PHACTR1: variants seen among roughly 807,000 people sequenced by gnomAD.
The protein encoded by PHACTR1 is RPEL repeat containing 1.
In PHACTR1, 16 loss-of-function variants were observed where a neutral mutation model predicts 69.2. That is an observed-to-expected ratio of 0.23 (90% CI 0.16 to 0.35). PHACTR1 has a LOEUF of 0.35. Ranked by LOEUF, PHACTR1 falls within the 10% of genes least tolerant of loss-of-function variation. The pLI is 1.00. For missense variants in PHACTR1, 510 were observed against 734.7 expected, an observed-to-expected ratio of 0.69 and a Z score of 3.54; for synonymous variants, 312 against 284.5, an observed-to-expected ratio of 1.10 and a Z score of -0.97.
intron 5 of PHACTR1, among the ~76,000 whole-genome samples, chr6:13,095,943 G>C (rs903747912): frequency 6.6e-6 from 1 of 151,984 alleles, no homozygotes; most frequent in East Asian, 1.9e-4. Context: ...AAAGGTAGCA[G>C]GGTGGTCCCT....
chr6:12,998,521 G>T (rs941898471), intron 4 of PHACTR1, among the ~76,000 whole-genome samples: 1 of 151,124 alleles, frequency 6.6e-6, no homozygotes, highest in Non-Finnish European at 1.5e-5. Flanking sequence ...AGAGGCTGAG[G>T]CAAGAGGTTG....
At chr6:13,095,918 A>C (rs748709964) in intron 5 of PHACTR1, among the ~76,000 whole-genome samples, 10 of 152,100 alleles carry the variant, frequency 6.6e-5, no homozygotes, top group African/African-American at 1.4e-4. Context: ...GAACAATTGC[A>C]GGTTTTGAAA....
intron 4 of PHACTR1, among the ~76,000 whole-genome samples, chr6:13,009,688 A>G (rs1582945388): frequency 6.6e-6 from 1 of 152,244 alleles, no homozygotes; most frequent in East Asian, 1.9e-4. Context: ...TCTCACATTC[A>G]GCCTTGGGGG....
intron 4 of PHACTR1, among the ~76,000 whole-genome samples, chr6:12,799,402 G>A (rs1346486519): frequency 6.6e-6 from 1 of 151,922 alleles, no homozygotes; most frequent in Non-Finnish European, 1.5e-5. Context: ...CCAGTTACTA[G>A]GTTTTCAAAA....
chr6:13,126,181 G>A (rs1410757217), intron 5 of PHACTR1, among the ~76,000 whole-genome samples: 4 of 152,150 alleles, frequency 2.6e-5, no homozygotes, highest in Non-Finnish European at 4.4e-5. Context: ...GTGAGTGTGT[G>A]TAAATTAGAA....
intron 7 of PHACTR1, among the ~76,000 whole-genome samples, chr6:13,202,015 A>G (rs1375458652): frequency 3.3e-5 from 5 of 152,222 alleles, no homozygotes; most frequent in Admixed American, 6.5e-5. Context: ...ATTCATAGCT[A>G]TGTGCATCAC....
rs115730493 is a variant in PHACTR1, at chr6:12,901,490, G to A, written c.250+151700G>A. 8.2e-3 allele frequency among the ~76,000 whole-genome samples: 1,254 copies of A among 152,174 alleles called. 13 individuals are homozygous for A. The highest frequency in any genetic ancestry group is 0.017 in the Middle Eastern group (5 of 294). On this transcript the variant is annotated intron_variant, in intron 4 of 14. Transcript: ENST00000332995. ...GCAGAGAAAATAAAATGGATTTCAC[G>A]CATTTTTTGGTTTGTTTGTTTTGAG...
intron 4 of PHACTR1, among the ~76,000 whole-genome samples, chr6:12,828,843 T>G (rs1777095728): frequency 6.6e-6 from 1 of 151,940 alleles, no homozygotes; most frequent in African/African-American, 2.4e-5. Flanking sequence ...TACGGAGAGA[T>G]TGGTTAATGA....
intron 10 of PHACTR1, among the ~76,000 whole-genome samples, chr6:13,241,251 A>G (rs1772799164): frequency 6.6e-6 from 1 of 152,176 alleles, no homozygotes; most frequent in African/African-American, 2.4e-5. Context: ...TTTTTATTGC[A>G]TTTCAGTAAT....
intron 4 of PHACTR1, among the ~76,000 whole-genome samples, chr6:12,950,877 T>A (rs573800224): frequency 6.6e-6 from 1 of 152,334 alleles, no homozygotes; most frequent in East Asian, 1.9e-4. Context: ...TAACACCTCA[T>A]TCATTTGCGC....
intron 4 of PHACTR1, among the ~76,000 whole-genome samples, chr6:12,985,635 C>A (rs369979492): frequency 2.1e-4 from 31 of 149,406 alleles, no homozygotes; most frequent in African/African-American, 7.1e-4. Flanking sequence ...TTTATAAAGG[C>A]CAAAACCTAG....
At chr6:12,751,888 G>A (rs1261742383) in intron 4 of PHACTR1, among the ~76,000 whole-genome samples, 4 of 152,176 alleles carry the variant, frequency 2.6e-5, no homozygotes, top group Admixed American at 2.6e-4. Flanking sequence ...TGCAGTCAGG[G>A]GAGCTGTCCT....
chr6:13,064,602 A>C (rs1234725677), intron 5 of PHACTR1, among the ~76,000 whole-genome samples: 14 of 6,442 alleles, frequency 2.2e-3, no homozygotes, highest in African/African-American at 5.3e-3. Context: ...ATATATATAT[A>C]TATCTATATA....
At chr6:12,832,245 T>G (rs1185146616) in intron 4 of PHACTR1, among the ~76,000 whole-genome samples, 1 of 152,120 alleles carries the variant, frequency 6.6e-6, no homozygotes, top group Non-Finnish European at 1.5e-5. Flanking sequence ...AATTCCAGGG[T>G]ACAGCACTTA....
chr6:12,826,467 G>T (rs150944881), intron 4 of PHACTR1, among the ~76,000 whole-genome samples: 1 of 152,262 alleles, frequency 6.6e-6, no homozygotes, highest in East Asian at 1.9e-4. Flanking sequence ...TAGAACAGAT[G>T]ACTTTTGCCT....
intron 4 of PHACTR1, among the ~76,000 whole-genome samples, chr6:12,801,475 A>G (rs542153474): frequency 6.3e-4 from 96 of 152,350 alleles, no homozygotes; most frequent in African/African-American, 2.1e-3. Context: ...CATGAAAGTG[A>G]TTATAAGGGT....
At chr6:13,010,859 A>G (rs1158546593) in intron 4 of PHACTR1, among the ~76,000 whole-genome samples, 1 of 152,124 alleles carries the variant, frequency 6.6e-6, no homozygotes, top group Non-Finnish European at 1.5e-5. Flanking sequence ...AATGGACACC[A>G]GTAGTAATTC....
intron 5 of PHACTR1, among the ~76,000 whole-genome samples, chr6:13,133,991 C>T (rs972177743): frequency 3.9e-5 from 6 of 151,998 alleles, no homozygotes; most frequent in South Asian, 2.1e-4. Flanking sequence ...GCCGCGACTC[C>T]GTCTGGGAAC....
At chr6:12,801,641 C>A (rs1467089524) in intron 4 of PHACTR1, among the ~76,000 whole-genome samples, 1 of 152,086 alleles carries the variant, frequency 6.6e-6, no homozygotes, top group African/African-American at 2.4e-5. Context: ...TTAGTAGAAT[C>A]TTGGGATTTT....
Sources: gnomAD v4.1 joint callset for allele counts (sites outside exome capture counted in the v4.1 genomes callset) on GRCh38, gnomAD v4.1.1 for gene constraint, MANE v1.5 for transcripts, NCBI Gene and HGNC (gene_info 2026-07-23, HGNC 2026-07-21) for gene names.